Variants in SP6 observed in about 807,000 individuals in gnomAD.
The protein encoded by SP6 is Sp6 transcription factor, also known as transcription factor Sp6.
A neutral mutation model predicts 23.4 loss-of-function variants in SP6; 10 were observed. That is an observed-to-expected ratio of 0.43 (90% CI 0.26 to 0.72). The LOEUF (loss-of-function observed/expected upper bound fraction) is 0.72, where lower values mean the gene tolerates loss of function less well. Ranked by LOEUF, SP6 falls within the 30% of genes least tolerant of loss-of-function variation. The pLI, the probability that SP6 is intolerant of heterozygous loss-of-function variation, is 0.23. For synonymous variants in SP6, 238 were observed against 238.7 expected, an observed-to-expected ratio of 1.00 and a Z score of 0.03; for missense variants, 482 against 523.8, an observed-to-expected ratio of 0.92 and a Z score of 0.78.
the SP6 span, among the ~76,000 whole-genome samples, chr17:47,869,150 T>C: frequency 6.6e-6 from 1 of 152,284 alleles, no homozygotes; most frequent in African/African-American, 2.4e-5. Context: ...CCACTCCCAA[T>C]AAACTAATGC....
chr17:47,873,902 C>T, the SP6 span, among the ~76,000 whole-genome samples: 7 of 149,684 alleles, frequency 4.7e-5, no homozygotes, highest in African/African-American at 1.2e-4. Flanking sequence ...CTTCCTCCTC[C>T]GCCTCCTACT....
chr17:47,875,542 A>G, the SP6 span, among the ~76,000 whole-genome samples: 3 of 152,198 alleles, frequency 2.0e-5, no homozygotes, highest in African/African-American at 2.4e-5. Flanking sequence ...CCATTTGCAT[A>G]TACTTGTTGG....
the SP6 span, among the ~76,000 whole-genome samples, chr17:47,872,714 A>T: frequency 6.6e-6 from 1 of 151,888 alleles, no homozygotes; most frequent in South Asian, 2.1e-4. Flanking sequence ...GGGTGCAGAG[A>T]CCCCTCTCAC....
chr17:47,855,291 CA>C (rs1051475359), upstream of SP6, among the ~76,000 whole-genome samples: 3 of 152,174 alleles, frequency 2.0e-5, no homozygotes, highest in Non-Finnish European at 2.9e-5. Flanking sequence ...TGCAGTTCCC[CA>C]TAGGATGTGG....
At chr17:47,870,741 C>T in the SP6 span, among the ~76,000 whole-genome samples, 2 of 152,108 alleles carry the variant, frequency 1.3e-5, no homozygotes, top group African/African-American at 4.8e-5. Flanking sequence ...TCCGGGTTTC[C>T]TAATTGGCAC....
chr17:47,855,606 C>T (rs765677796), upstream of SP6: 1 of 152,242 alleles, frequency 6.6e-6, no homozygotes, highest in South Asian at 2.1e-4. Flanking sequence ...GAGACCTGAT[C>T]CTCTTTGTGG....
chr17:47,873,236 CCTT>C, the SP6 span, among the ~76,000 whole-genome samples: 3 of 152,208 alleles, frequency 2.0e-5, no homozygotes, highest in Non-Finnish European at 2.9e-5. Context: ...CTGCTTGCCT[CCTT>C]CTCCCTTTCC....
upstream of SP6, among the ~76,000 whole-genome samples, chr17:47,860,037 C>T (rs542122281): frequency 1.3e-5 from 2 of 151,384 alleles, no homozygotes; most frequent in Middle Eastern, 3.4e-3. Context: ...ATTCAATAGC[C>T]CCCCATTACC....
chr17:47,873,054 G>C, the SP6 span, among the ~76,000 whole-genome samples: 1 of 152,358 alleles, frequency 6.6e-6, no homozygotes, highest in East Asian at 1.9e-4. Flanking sequence ...AAACCACAGA[G>C]GAGGGAGCAG....
the SP6 span, among the ~76,000 whole-genome samples, chr17:47,869,776 C>T: frequency 6.6e-6 from 1 of 152,156 alleles, no homozygotes; most frequent in Non-Finnish European, 1.5e-5. Context: ...ACCTTCTGTT[C>T]CTTGAGCTGA....
At chr17:47,873,089 G>T in the SP6 span, among the ~76,000 whole-genome samples, 3 of 152,194 alleles carry the variant, frequency 2.0e-5, no homozygotes, top group Non-Finnish European at 2.9e-5. Context: ...CCAGAGCTCT[G>T]GCCTAGACCT....
the SP6 span, among the ~76,000 whole-genome samples, chr17:47,860,915 G>C: frequency 0.038 from 5,777 of 152,166 alleles, 194 homozygotes; most frequent in Non-Finnish European, 0.06. Flanking sequence ...CCAGTATCCT[G>C]TGTCCTGGTC....
At position 47,848,309 on chromosome 17, in the gene SP6, C is replaced by A; in HGVS notation, c.121G>T (p.Gly41Trp). Residue 41 changes from glycine (G) to tryptophan (W), a missense_variant, in exon 2 of 2, where the codon GGG becomes TGG. This residue lies in a region of SP6 where 330 missense variants were observed against 332.3 expected (regional missense o/e 0.99). Coordinates refer to ENST00000536300, the MANE Select transcript of SP6 (RefSeq NM_001258248.2). This position sits in a 1 kb window ranked among gnomAD's most constrained non-coding sequence, Gnocchi z 5.3. ...TYQGHTSPEA[G>W]DYPSPLQPGE... is the part of the protein sequence containing the mutation. ...GGCTGCAGCGGGGAGGGGTAGTCCC[C>A]GGCCTCAGGGCTCGTGTGGCCCTGG... 1 of 1,611,568 alleles carries A rather than the reference C, an allele frequency of 6.2e-7. No homozygotes were observed. The highest frequency in any genetic ancestry group is 8.5e-7 in the Non-Finnish European group (1 of 1,179,058).
At chr17:47,871,129 T>C in the SP6 span, among the ~76,000 whole-genome samples, 2 of 152,346 alleles carry the variant, frequency 1.3e-5, no homozygotes, top group East Asian at 3.9e-4. Flanking sequence ...AGGCATTCCA[T>C]AAATGTTTAC....
upstream of SP6, among the ~76,000 whole-genome samples, chr17:47,859,960 C>T (rs1161140663): frequency 1.3e-4 from 20 of 152,116 alleles, no homozygotes; most frequent in African/African-American, 3.6e-4. Flanking sequence ...CTCAGTCCCT[C>T]GGTAGGAATT....
the SP6 span, among the ~76,000 whole-genome samples, chr17:47,866,002 G>A: frequency 1.3e-5 from 2 of 152,182 alleles, no homozygotes; most frequent in Non-Finnish European, 2.9e-5. Flanking sequence ...CCAGGGCTCA[G>A]GGGAGACATG....
In SP6 at chr17:47,847,769, G is replaced by A. The variant is rs766934038; in HGVS notation, c.661C>T (p.Arg221Cys). The A allele has an allele frequency of 5.8e-6, 9 of 1,556,436 alleles. No homozygotes were observed. The East Asian group carries it at 1.4e-4, about 23-fold the overall frequency. ...CGACAGACGGTCTGGCCTGAGCTGC[G>A]GGGCACCGACCGCCGGGAGCCTTTG... The part of the protein sequence containing the change: ...RPKGSRRSVP[R>C]SSGQTVCRCP... Residue 221 changes from arginine to cysteine, a missense_variant, in exon 2 of 2, where the codon CGC becomes TGC. Around this residue, in one of 3 missense-constraint regions of SP6, gnomAD observed 330 missense variants for 332.3 expected, o/e 0.99. Transcript: ENST00000536300.
chr17:47,864,088 C>G, the SP6 span, among the ~76,000 whole-genome samples: 100 of 149,338 alleles, frequency 6.7e-4, 1 homozygote, highest in African/African-American at 2.2e-3. Flanking sequence ...AGGTGATCCA[C>G]TCACCTTGGC....
At position 47,847,363 on chromosome 17, in the gene SP6, G is replaced by C. The variant is rs1028252961; in HGVS notation, c.1067C>G (p.Ala356Gly). 6.2e-7 allele frequency: 1 copy of C among 1,606,882 alleles called. No homozygotes were observed. The highest frequency in any genetic ancestry group is 1.1e-5 in the South Asian group (1 of 90,460). ...AASGEGKAGG[A>G]VEPPGGKGKR... ...GCCTTTGCCCCCGGGGGGCTCCACT[G>C]CGCCGCCGGCCTTGCCCTCTCCCGA... The change falls in exon 2 of 2, where the codon GCA (alanine) becomes GGA (glycine). Residue 356 changes from alanine to glycine, a missense_variant. By Grantham distance (60) the Ala-to-Gly change is moderately conservative. Transcript: ENST00000536300.
Sources: allele counts gnomAD v4.1 joint callset (sites outside exome capture counted in the v4.1 genomes callset), GRCh38; gene constraint gnomAD v4.1.1; regional missense constraint gnomAD v4.1.1; non-coding constraint Gnocchi (gnomAD v3.1); transcripts MANE v1.5; gene names NCBI Gene and HGNC (gene_info 2026-07-23, HGNC 2026-07-21).